Variants in RIT2 observed in about 807,000 individuals in gnomAD.
RIT2 encodes the protein Ras like without CAAX 2, also known as GTP-binding protein Rit2.
In RIT2, 24 loss-of-function variants were observed where a neutral mutation model predicts 23.7. The ratio of observed to expected loss-of-function variants is 1.01; its 90% CI spans 0.73 to 1.43. The LOEUF is 1.43. Among genes scored for constraint, RIT2 ranks in the 40% most tolerant of loss-of-function variants. The probability of loss-of-function intolerance (pLI) is 0.00; values close to 1 mark genes in which losing one functional copy is unlikely to be tolerated. For synonymous variants in RIT2, 107 were observed against 91.1 expected, an observed-to-expected ratio of 1.17 and a Z score of -0.99; for missense variants, 236 against 266.9, an observed-to-expected ratio of 0.88 and a Z score of 0.81.
chr18:42,870,327 A>C (rs543042560), intron 4 of RIT2, among the ~76,000 whole-genome samples: 303 of 151,510 alleles, frequency 2.0e-3, no homozygotes, highest in African/African-American at 6.8e-3. Flanking sequence ...TGCAACCTCC[A>C]CCTCCCAGGT....
At chr18:42,800,089 GGTT>G (rs1905483070) in intron 4 of RIT2, among the ~76,000 whole-genome samples, 1 of 151,944 alleles carries the variant, frequency 6.6e-6, no homozygotes, top group Non-Finnish European at 1.5e-5. Flanking sequence ...AATAAACATT[GGTT>G]AATCAAAAGA....
chr18:42,833,269 C>T (rs189154595), intron 4 of RIT2, among the ~76,000 whole-genome samples: 1 of 152,244 alleles, frequency 6.6e-6, no homozygotes, highest in African/African-American at 2.4e-5. Flanking sequence ...ACTTATTTCA[C>T]TTAGCATAAT....
At chr18:42,776,692 A>C (rs1250399969) in intron 4 of RIT2, among the ~76,000 whole-genome samples, 2 of 151,110 alleles carry the variant, frequency 1.3e-5, no homozygotes, top group Admixed American at 6.6e-5. Context: ...TTAACAACTT[A>C]CCAAAAGTTT....
At chr18:42,809,003 G>A (rs1325296958) in intron 4 of RIT2, among the ~76,000 whole-genome samples, 2 of 152,104 alleles carry the variant, frequency 1.3e-5, no homozygotes, top group Admixed American at 1.3e-4. Context: ...CGCACATTGG[G>A]TGAAATTTTG....
At chr18:42,898,954 T>C (rs891031817) in intron 4 of RIT2, among the ~76,000 whole-genome samples, 9 of 152,190 alleles carry the variant, frequency 5.9e-5, no homozygotes, top group Non-Finnish European at 1.3e-4. Context: ...TTATTACAAA[T>C]GATGCTCACT....
chr18:42,852,309 AG>A (rs750592969), intron 4 of RIT2, among the ~76,000 whole-genome samples: 71 of 152,342 alleles, frequency 4.7e-4, no homozygotes, highest in Middle Eastern at 3.4e-3. Context: ...AGGAAAGGCC[AG>A]TTTTGAAACA....
At chr18:42,952,367 CA>C (rs1407372021) in intron 3 of RIT2, among the ~76,000 whole-genome samples, 5 of 151,914 alleles carry the variant, frequency 3.3e-5, no homozygotes, top group Non-Finnish European at 5.9e-5. Flanking sequence ...TGGTGGTTGC[CA>C]GGGGCTAGAG....
intron 4 of RIT2, among the ~76,000 whole-genome samples, chr18:42,849,319 A>C (rs992761644): frequency 6.6e-6 from 1 of 152,216 alleles, no homozygotes; most frequent in Non-Finnish European, 1.5e-5. Flanking sequence ...GTTGTGCGCC[A>C]ATAGGAATAC....
At chr18:43,017,135 A>G (rs1467435586) in intron 2 of RIT2, among the ~76,000 whole-genome samples, 1 of 151,994 alleles carries the variant, frequency 6.6e-6, no homozygotes, top group East Asian at 1.9e-4. Context: ...ACAATTTTAA[A>G]TGTATCCCTA....
chr18:42,837,024 C>T (rs1469467696), intron 4 of RIT2, among the ~76,000 whole-genome samples: 1 of 152,034 alleles, frequency 6.6e-6, no homozygotes, highest in Non-Finnish European at 1.5e-5. Context: ...ACTGTCATAC[C>T]TGGATACACA....
chr18:43,109,943 A>G (rs1913915369), intron 1 of RIT2, among the ~76,000 whole-genome samples: 1 of 152,140 alleles, frequency 6.6e-6, no homozygotes, highest in African/African-American at 2.4e-5. Context: ...ATACAATTTG[A>G]TAGAAAAACA....
intron 4 of RIT2, among the ~76,000 whole-genome samples, chr18:42,881,799 C>G (rs112683098): frequency 3.9e-5 from 6 of 152,128 alleles, no homozygotes; most frequent in Admixed American, 3.9e-4. Flanking sequence ...CCTATTAGAT[C>G]AAGAGTTTTC....
At chr18:43,105,481 G>A (rs182959084) in intron 1 of RIT2, among the ~76,000 whole-genome samples, 1,734 of 116,692 alleles carry the variant, frequency 0.015, no homozygotes, top group South Asian at 0.03. Flanking sequence ...AGAGAGGAAG[G>A]GAGGAAGGGA....
In RIT2 at chr18:42,958,425, T is replaced by C. The variant is rs190757258; in HGVS notation, c.234+15649A>G. On this transcript the variant is annotated intron_variant, in intron 3 of 4. Transcript: ENST00000326695. The stretch of plus-strand genomic sequence containing the variant: ...TGCAGTTACTGGGATAAGAATGATG[T>C]CCATTCTGATTAGTATAGAAGCTTC... Among the ~76,000 whole-genome samples the C allele has an allele frequency of 3.3e-5, 5 of 152,232 alleles. No homozygotes were observed. The East Asian group carries it at 5.8e-4, about 18-fold the overall frequency.
chr18:42,898,675 C>G (rs1274933505), intron 4 of RIT2, among the ~76,000 whole-genome samples: 1 of 152,058 alleles, frequency 6.6e-6, no homozygotes, highest in Non-Finnish European at 1.5e-5. Context: ...GCATTTTTTC[C>G]TGCTCCAGAA....
At chr18:42,793,727 G>A (rs566941072) in intron 4 of RIT2, among the ~76,000 whole-genome samples, 4 of 152,268 alleles carry the variant, frequency 2.6e-5, no homozygotes, top group African/African-American at 7.2e-5. Context: ...GTAGACAGAA[G>A]CTTCAAAGTA....
intron 4 of RIT2, among the ~76,000 whole-genome samples, chr18:42,907,984 G>A (rs1241813826): frequency 6.6e-6 from 1 of 151,394 alleles, no homozygotes; most frequent in African/African-American, 2.4e-5. Context: ...AAAAATTAAG[G>A]CAACCATCAT....
chr18:42,932,911 A>G (rs1909362224), intron 3 of RIT2, among the ~76,000 whole-genome samples: 1 of 151,948 alleles, frequency 6.6e-6, no homozygotes, highest in African/African-American at 2.4e-5. Flanking sequence ...ATTTTTTTGT[A>G]TATTTTCATC....
intron 3 of RIT2, among the ~76,000 whole-genome samples, chr18:42,934,916 T>C (rs1568034095): frequency 6.6e-6 from 1 of 152,214 alleles, no homozygotes; most frequent in Admixed American, 6.5e-5. Context: ...TATACTACCA[T>C]TGGAAAACAA....
Sources: gnomAD v4.1 joint callset for allele counts (sites outside exome capture counted in the v4.1 genomes callset) on GRCh38, gnomAD v4.1.1 for gene constraint, MANE v1.5 for transcripts, NCBI Gene and HGNC (gene_info 2026-07-23, HGNC 2026-07-21) for gene names.